Variants in ASIC2 observed in about 807,000 individuals in gnomAD.
ASIC2 encodes acid sensing ion channel subunit 2, also known as acid-sensing ion channel 2.
ASIC2 carries 25 observed loss-of-function variants against 57.3 expected under a neutral mutation model. The observed-to-expected ratio is 0.44, with a 90% CI of 0.32 to 0.61. The LOEUF (loss-of-function observed/expected upper bound fraction) is 0.61. Ranked by LOEUF, ASIC2 falls within the 20% of genes least tolerant of loss-of-function variation. The pLI, the probability that ASIC2 is intolerant of heterozygous loss-of-function variation, is 0.06. For missense variants in ASIC2, 641 were observed against 738.1 expected (o/e 0.87, Z 1.52); for synonymous variants, 319 against 307.5 (o/e 1.04, Z -0.39).
chr17:33,203,535 C>T (rs1009750038), intron 1 of ASIC2, among the ~76,000 whole-genome samples: 6 of 152,286 alleles, frequency 3.9e-5, no homozygotes, highest in African/African-American at 1.2e-4. Context: ...CCTCTTGAAG[C>T]GCTGAGGCTG....
intron 1 of ASIC2, among the ~76,000 whole-genome samples, chr17:34,058,474 G>C (rs1178611484): frequency 6.6e-6 from 1 of 152,170 alleles, no homozygotes; most frequent in Non-Finnish European, 1.5e-5. Flanking sequence ...CTGTGAACTG[G>C]ATACCAGGGC....
At chr17:34,124,643 A>G (rs537709843) in intron 1 of ASIC2, among the ~76,000 whole-genome samples, 7 of 152,286 alleles carry the variant, frequency 4.6e-5, no homozygotes, top group Admixed American at 4.6e-4. Context: ...TTTATTTCTC[A>G]CACTTCCAAG....
In ASIC2 at chr17:33,184,925, T is replaced by G. The variant is rs140445872; in HGVS notation, c.709-72858A>C. On this transcript the variant is annotated intron_variant, in intron 1 of 9. Coordinates refer to ENST00000225823, the MANE Select transcript of ASIC2 (RefSeq NM_183377.2). ...GCAAATGCATTAAATTCATTAGACA[T>G]TCATCATCAGACCTAAAACATCCTC... Among the ~76,000 whole-genome samples, 1,219 of 152,290 alleles carry G rather than the reference T, an allele frequency of 8.0e-3. 14 individuals carry two copies. The highest frequency in any genetic ancestry group is 0.028 in the African/African-American group (1,163 of 41,554).
At chr17:33,026,017 G>T (rs1431140260) in intron 4 of ASIC2, 35 bp from the exon 5 acceptor site, 4 of 1,608,286 alleles carry the variant, frequency 2.5e-6, no homozygotes, top group Non-Finnish European at 3.4e-6. Flanking sequence ...AGTTACTCAG[G>T]CAGGAACATT....
At chr17:33,790,654 C>T (rs1911742889) in intron 1 of ASIC2, among the ~76,000 whole-genome samples, 1 of 152,000 alleles carries the variant, frequency 6.6e-6, no homozygotes, top group African/African-American at 2.4e-5. Flanking sequence ...CCCATAGTTG[C>T]ATAAGCTGAT....
At chr17:33,986,127 C>T (rs909214202) in intron 1 of ASIC2, among the ~76,000 whole-genome samples, 2 of 152,104 alleles carry the variant, frequency 1.3e-5, no homozygotes, top group Non-Finnish European at 2.9e-5. Flanking sequence ...AGACACCATA[C>T]AATTTCATAA....
chr17:33,028,045 C>T (rs1265092235), intron 4 of ASIC2, among the ~76,000 whole-genome samples, 197 bp downstream of exon 4: 1 of 152,260 alleles, frequency 6.6e-6, no homozygotes. Context: ...CTTCTGGATA[C>T]CAGGATGCTG....
chr17:33,041,052 G>A (rs899296104), intron 3 of ASIC2, among the ~76,000 whole-genome samples: 1 of 152,118 alleles, frequency 6.6e-6, no homozygotes, highest in Non-Finnish European at 1.5e-5. Context: ...CTGTTTGCCT[G>A]AGCCCCTCCC....
chr17:33,296,326 T>A (rs765765886), upstream of ASIC2, among the ~76,000 whole-genome samples: 1 of 152,078 alleles, frequency 6.6e-6, no homozygotes, highest in Non-Finnish European at 1.5e-5. Flanking sequence ...TTTGCCCAGG[T>A]AGTCACTCCA....
intron 1 of ASIC2, among the ~76,000 whole-genome samples, chr17:33,626,661 C>A (rs1445017247): frequency 6.6e-6 from 1 of 152,090 alleles, no homozygotes; most frequent in African/African-American, 2.4e-5. Flanking sequence ...TGGAAGTCAC[C>A]CTAGAGGCTC....
chr17:33,492,665 T>C (rs1439643294), intron 1 of ASIC2, among the ~76,000 whole-genome samples: 2 of 152,192 alleles, frequency 1.3e-5, no homozygotes, highest in East Asian at 1.9e-4. Context: ...GTGAGGATTC[T>C]GGGGATTGTG....
intron 1 of ASIC2, among the ~76,000 whole-genome samples, chr17:33,756,608 G>A (rs1910611048): frequency 6.6e-6 from 1 of 152,244 alleles, no homozygotes; most frequent in South Asian, 2.1e-4. Flanking sequence ...CCCAGGAGAT[G>A]TTTCTGAGCT....
At chr17:33,510,655 T>C (rs1267690099) in intron 1 of ASIC2, among the ~76,000 whole-genome samples, 1 of 152,076 alleles carries the variant, frequency 6.6e-6, no homozygotes, top group Non-Finnish European at 1.5e-5. Flanking sequence ...ACATTAAATT[T>C]TTTAAAAAAA....
chr17:33,680,753 G>A (rs1434610859), intron 1 of ASIC2: 3 of 152,218 alleles, frequency 2.0e-5, no homozygotes, highest in African/African-American at 7.2e-5. Context: ...GAGCCAATGA[G>A]GCCTGAGCTC....
chr17:33,538,906 T>C (rs1298807208), intron 1 of ASIC2, among the ~76,000 whole-genome samples: 1 of 152,186 alleles, frequency 6.6e-6, no homozygotes, highest in East Asian at 1.9e-4. Flanking sequence ...ATAACAATCT[T>C]CTAAATCTAT....
intron 1 of ASIC2, among the ~76,000 whole-genome samples, chr17:33,149,954 T>C (rs1904720091): frequency 6.6e-6 from 1 of 152,196 alleles, no homozygotes; most frequent in African/African-American, 2.4e-5. Context: ...TCCAGATAAT[T>C]CATGAGGTTC....
At chr17:33,662,521 A>G (rs139346335) in intron 1 of ASIC2, among the ~76,000 whole-genome samples, 15 of 151,498 alleles carry the variant, frequency 9.9e-5, no homozygotes, top group East Asian at 2.0e-4. Flanking sequence ...TACTCAGGAG[A>G]CTGAGGCAGG....
chr17:34,022,509 C>G (rs1907204250), intron 1 of ASIC2, among the ~76,000 whole-genome samples: 1 of 151,960 alleles, frequency 6.6e-6, no homozygotes, highest in African/African-American at 2.4e-5. Flanking sequence ...CTCTATATCT[C>G]TTAATAGCTA....
rs183233611 is a variant in ASIC2 at position 33,839,906 on chromosome 17, G to A, written c.555+316072C>T. 2.3e-3 allele frequency among the ~76,000 whole-genome samples: 343 copies of A among 152,270 alleles called. 1 individual carries two copies. Among genetic ancestry groups the A allele is most frequent in the Non-Finnish European group, 3.9e-3 (268 of 68,020 alleles). ...GATGCCACAGCATCTGGGCAGCTCC[G>A]TGGACCTCCTCTTCTGAGCTTCTAG... On this transcript the variant is annotated intron_variant, in intron 1 of 9. Coordinates refer to the ASIC2 transcript ENST00000359872.
Sources: gnomAD v4.1 joint callset for allele counts (sites outside exome capture counted in the v4.1 genomes callset) on GRCh38, gnomAD v4.1.1 for gene constraint, MANE v1.5 for transcripts, NCBI Gene and HGNC (gene_info 2026-07-23, HGNC 2026-07-21) for gene names.